CFAP70: variants seen among roughly 807,000 people sequenced by gnomAD.
CFAP70 encodes cilia and flagella associated protein 70.
Under a neutral mutation model 137.6 loss-of-function variants are expected in CFAP70, and 81 were observed. The observed-to-expected ratio is 0.59, with a 90% CI of 0.49 to 0.71. CFAP70 has a LOEUF of 0.71. Ranked by LOEUF, CFAP70 falls within the 30% of genes least tolerant of loss-of-function variation. The pLI, the probability that CFAP70 is intolerant of heterozygous loss-of-function variation, is 0.00. For missense variants in CFAP70, 976 were observed against 1,226.7 expected (o/e 0.80, Z 3.05); for synonymous variants, 382 against 423.6 (o/e 0.90, Z 1.20).
chr10:73,300,228 C>T (rs2048848767), intron 12 of CFAP70, among the ~76,000 whole-genome samples: 1 of 152,096 alleles, frequency 6.6e-6, no homozygotes, highest in Non-Finnish European at 1.5e-5. Context: ...CTACTTATGT[C>T]AAAACCTCTA....
At chr10:73,351,063 GTGTGTGTGTATATATATATATATATA>G (rs2054189051) in intron 3 of CFAP70, among the ~76,000 whole-genome samples, 3 of 57,038 alleles carry the variant, frequency 5.3e-5, no homozygotes, top group African/African-American at 2.9e-4. Flanking sequence ...GTGTGTGTGT[GTGTGTGTGTATATATATATATATATA>G]TATATATATA....
chr10:73,350,620 TA>T (rs142510386), intron 3 of CFAP70, among the ~76,000 whole-genome samples: 10 of 152,126 alleles, frequency 6.6e-5, no homozygotes, highest in Admixed American at 3.9e-4. Context: ...AATATATATA[TA>T]TTTTTTTTCT....
chr10:73,254,064 AAG>A lies in CFAP70; in HGVS notation c.3076-11_3076-10del. The A allele has an allele frequency of 6.3e-7, 1 of 1,586,598 alleles. No homozygotes were observed. Among genetic ancestry groups the A allele is most frequent in the Non-Finnish European group, 8.6e-7 (1 of 1,159,274 alleles). ...TCATCTTTCAATTTCAGCTACATGAAAGAGGAAGAAAGGGAAAGATATATGTC... is the reference window on the plus strand; with the variant it reads ...TCATCTTTCAATTTCAGCTACATGAAAGGAAGAAAGGGAAAGATATATGTC... On this transcript the variant is annotated splice_polypyrimidine_tract_variant and intron_variant, in intron 26 of 26. Coordinates refer to ENST00000310715, the Ensembl canonical transcript of CFAP70.
chr10:73,276,964 C>A, intron 21 of CFAP70: 1 of 233,416 alleles, frequency 4.3e-6, no homozygotes, highest in Non-Finnish European at 8.2e-6. Flanking sequence ...AATGAATTCC[C>A]ATAATAAAGT....
At chr10:73,278,332 C>T in exon 20 of CFAP70, 1 of 1,613,124 alleles carries the variant, frequency 6.2e-7, no homozygotes, top group Non-Finnish European at 8.5e-7. Flanking sequence ...AATGCAGCTC[C>T]TGGTCCTAAA....
At chr10:73,342,676 T>C (rs2053349715) in intron 5 of CFAP70, among the ~76,000 whole-genome samples, 1 of 152,062 alleles carries the variant, frequency 6.6e-6, no homozygotes, top group Non-Finnish European at 1.5e-5. Context: ...CAAACTAAAG[T>C]ACAACAGAGC....
chr10:73,331,029 G>C (rs897158053), intron 8 of CFAP70, 148 bp downstream of exon 9: 7 of 552,082 alleles, frequency 1.3e-5, no homozygotes, highest in Non-Finnish European at 2.2e-5. Context: ...TAAAACAAGT[G>C]ACATTCAAGG....
rs145694650 is a variant in CFAP70, at chr10:73,304,889, AC to A, written c.1257-5225del. 6.7e-3 allele frequency among the ~76,000 whole-genome samples: 1,020 copies of A among 152,238 alleles called. 4 individuals are homozygous for A. The highest frequency in any genetic ancestry group is 0.012 in the Non-Finnish European group (822 of 68,002). On this transcript the variant is annotated intron_variant, in intron 12 of 26. Coordinates refer to ENST00000310715, the Ensembl canonical transcript of CFAP70. ...CACACCAGAAACTGAAACTGTCAGA[AC>A]CAACTTGTTAGAATGTTGGGAAAAA...
chr10:73,307,253 C>A (rs1035277456), intron 12 of CFAP70, among the ~76,000 whole-genome samples: 12 of 151,180 alleles, frequency 7.9e-5, no homozygotes, highest in African/African-American at 2.9e-4. Context: ...TGGCATACTG[C>A]AAAAAATCAG....
intron 25 of CFAP70, among the ~76,000 whole-genome samples, chr10:73,258,403 C>T (rs1269412063): frequency 6.6e-6 from 1 of 152,236 alleles, no homozygotes; most frequent in African/African-American, 2.4e-5. Context: ...CTTATAATTT[C>T]CTATGCCTGT....
chr10:73,351,122 G>GTTT (rs1292079920), intron 3 of CFAP70, among the ~76,000 whole-genome samples: 1 of 65,794 alleles, frequency 1.5e-5, no homozygotes, highest in Non-Finnish European at 3.5e-5. Flanking sequence ...TGTATGTTTT[G>GTTT]TTTTTTTTTT....
intron 3 of CFAP70, among the ~76,000 whole-genome samples, chr10:73,348,901 A>G (rs548769216): frequency 6.6e-6 from 1 of 152,132 alleles, no homozygotes; most frequent in African/African-American, 2.4e-5. Context: ...TGCCTCTACT[A>G]AAAATACAAA....
intron 26 of CFAP70, among the ~76,000 whole-genome samples, chr10:73,254,581 T>C (rs1386602982): frequency 2.0e-5 from 3 of 152,208 alleles, no homozygotes; most frequent in Admixed American, 6.5e-5. Context: ...AAAGCCACAT[T>C]TTCCTGCTTC....
At chr10:73,280,311 GA>G (rs959806740) in intron 19 of CFAP70, among the ~76,000 whole-genome samples, 1 of 151,806 alleles carries the variant, frequency 6.6e-6, no homozygotes, top group African/African-American at 2.4e-5. Context: ...TCTTAAAAAA[GA>G]ATAATAATAA....
chr10:73,349,489 G>C (rs2054014142), intron 3 of CFAP70, among the ~76,000 whole-genome samples: 1 of 151,676 alleles, frequency 6.6e-6, no homozygotes, highest in Non-Finnish European at 1.5e-5. Context: ...CTTGCAGTGA[G>C]CCGAGACTGT....
chr10:73,327,489 G>A (rs1251503988), intron 8 of CFAP70, among the ~76,000 whole-genome samples: 2 of 151,866 alleles, frequency 1.3e-5, no homozygotes, highest in Non-Finnish European at 2.9e-5. Flanking sequence ...TCTGGCCAGG[G>A]CAATTAGGCA....
chr10:73,323,075 G>A (rs751444822), exon 9 of CFAP70: 11 of 1,611,644 alleles, frequency 6.8e-6, no homozygotes, highest in African/African-American at 4.0e-5. Context: ...ACCATGAAAC[G>A]AAAGCTGAGC....
chr10:73,286,976 T>G (rs2047766307), intron 19 of CFAP70, among the ~76,000 whole-genome samples: 1 of 152,206 alleles, frequency 6.6e-6, no homozygotes, highest in South Asian at 2.1e-4. Flanking sequence ...CCTTAAGCAG[T>G]TTTCCCCCTT....
chr10:73,287,191 A>G (rs1055959886), intron 19 of CFAP70, among the ~76,000 whole-genome samples: 2 of 152,242 alleles, frequency 1.3e-5, no homozygotes, highest in East Asian at 1.9e-4. Context: ...GAATTTAATC[A>G]GAGAACAGTA....
Sources: gnomAD v4.1 joint callset for allele counts (sites outside exome capture counted in the v4.1 genomes callset) on GRCh38, gnomAD v4.1.1 for gene constraint, MANE v1.5 for transcripts, NCBI Gene and HGNC (gene_info 2026-07-23, HGNC 2026-07-21) for gene names.